TRPM3: variants seen among roughly 807,000 people sequenced by gnomAD.
TRPM3 encodes transient receptor potential cation channel subfamily M member 3, also known as long transient receptor potential channel 3.
A neutral mutation model predicts 181.2 loss-of-function variants in TRPM3; 77 were observed. That is an observed-to-expected ratio of 0.42 (90% CI 0.35 to 0.51). The LOEUF (loss-of-function observed/expected upper bound fraction) is 0.51. Among genes scored for constraint, TRPM3 ranks in the 20% least tolerant of loss-of-function variants. The pLI, the probability that TRPM3 is intolerant of heterozygous loss-of-function variation, is 0.01. For synonymous variants in TRPM3, 745 were observed against 796.4 expected (o/e 0.94, Z 1.09); for missense variants, 1,759 against 2,196.7 (o/e 0.80, Z 3.98).
intron 1 of TRPM3, among the ~76,000 whole-genome samples, chr9:71,294,929 C>A (rs908449016): frequency 6.6e-6 from 1 of 152,004 alleles, no homozygotes; most frequent in Non-Finnish European, 1.5e-5. Flanking sequence ...ACAAAACTTA[C>A]ATTATTTAGG....
intron 22 of TRPM3, among the ~76,000 whole-genome samples, chr9:70,578,892 A>G (rs2054779308): frequency 6.6e-6 from 1 of 152,216 alleles, no homozygotes; most frequent in Admixed American, 6.5e-5. Context: ...GTTAGGCAGC[A>G]TTCCTGGCCT....
At chr9:71,081,182 G>A (rs563170063) in intron 1 of TRPM3, among the ~76,000 whole-genome samples, 2 of 152,164 alleles carry the variant, frequency 1.3e-5, no homozygotes, top group Non-Finnish European at 2.9e-5. Context: ...GTATAAAGAG[G>A]AGCAATGGCT....
chr9:71,156,418 C>T (rs1391994524), intron 1 of TRPM3, among the ~76,000 whole-genome samples: 1 of 140,270 alleles, frequency 7.1e-6, no homozygotes, highest in Non-Finnish European at 1.5e-5. Context: ...CACACACACA[C>T]ACAAGGCTTA....
intron 1 of TRPM3, among the ~76,000 whole-genome samples, chr9:71,219,292 T>C (rs1432349147): frequency 6.6e-6 from 1 of 152,200 alleles, no homozygotes; most frequent in Non-Finnish European, 1.5e-5. Context: ...ATCACAGATT[T>C]GACAAGAAAC....
intron 1 of TRPM3, among the ~76,000 whole-genome samples, chr9:71,085,540 A>G (rs562476848): frequency 2.6e-5 from 4 of 151,592 alleles, no homozygotes; most frequent in African/African-American, 9.7e-5. Flanking sequence ...ACATGAACAG[A>G]TACTTCTCAA....
At chr9:71,369,095 G>C (rs1236528357) in intron 1 of TRPM3, among the ~76,000 whole-genome samples, 1 of 151,816 alleles carries the variant, frequency 6.6e-6, no homozygotes. Flanking sequence ...GCTATTTTAA[G>C]AATTTAGAAA....
At chr9:70,747,069 T>C (rs886482024) in intron 8 of TRPM3, among the ~76,000 whole-genome samples, 2 of 152,220 alleles carry the variant, frequency 1.3e-5, no homozygotes, top group African/African-American at 4.8e-5. Context: ...AATTCATTCA[T>C]TCATTCACTC....
chr9:71,136,441 A>T (rs1327895806), intron 1 of TRPM3, among the ~76,000 whole-genome samples: 41 of 152,200 alleles, frequency 2.7e-4, no homozygotes, highest in Admixed American at 2.7e-3. Flanking sequence ...CATCCGCCTG[A>T]GAAGGCAGTC....
At chr9:71,052,797 T>A (rs1479781565) in intron 1 of TRPM3, among the ~76,000 whole-genome samples, 4 of 151,968 alleles carry the variant, frequency 2.6e-5, no homozygotes, top group Non-Finnish European at 4.4e-5. Context: ...ATCTACTATC[T>A]TCAGTGCACA....
chr9:70,598,468 A>G lies in TRPM3; in HGVS notation c.2999T>C (p.Phe1000Ser), dbSNP rs149121392. 4.7e-5 allele frequency: 76 copies of G among 1,614,078 alleles called. No individual in the cohort carries two copies. The highest frequency in any genetic ancestry group is 6.1e-5 in the Non-Finnish European group (72 of 1,180,046). Residue 1000 changes from phenylalanine (F) to serine (S), a missense_variant, in exon 21 of 26, where the codon TTC becomes TCC. Phe to Ser is a radical substitution (Grantham distance 155). Around this residue, in one of 8 missense-constraint regions of TRPM3, gnomAD observed 94 missense variants for 221.3 expected, o/e 0.42. Transcript: ENST00000677713. ...CGGGCCCAAATACTTGTTCACGCCG[A>G]AGATGTCTAGGAGACGGATATACCA... The part of the protein sequence containing the change: ...IYWYIRLLDI[F>S]GVNKYLGPYV...
intron 1 of TRPM3, among the ~76,000 whole-genome samples, chr9:70,994,565 C>G (rs1228138690): frequency 1.3e-5 from 2 of 151,998 alleles, no homozygotes; most frequent in Non-Finnish European, 2.9e-5. Context: ...CTGGCTCTGC[C>G]TTCTGCTCCA....
chr9:71,110,437 A>G (rs1053131961), intron 1 of TRPM3, among the ~76,000 whole-genome samples: 1 of 152,226 alleles, frequency 6.6e-6, no homozygotes, highest in African/African-American at 2.4e-5. Context: ...GAAAACAGCT[A>G]TGCTCCTTTG....
chr9:71,340,063 A>G (rs1588569001), intron 1 of TRPM3, among the ~76,000 whole-genome samples: 1 of 152,164 alleles, frequency 6.6e-6, no homozygotes, highest in African/African-American at 2.4e-5. Context: ...AGAAATCTAC[A>G]CAACATTGGA....
chr9:70,911,424 T>C (rs1040710720), intron 1 of TRPM3, among the ~76,000 whole-genome samples: 1 of 152,336 alleles, frequency 6.6e-6, no homozygotes, highest in East Asian at 1.9e-4. Flanking sequence ...TACAAAATCA[T>C]GCCTCAAATA....
At chr9:71,328,257 G>A (rs544841420) in intron 1 of TRPM3, among the ~76,000 whole-genome samples, 1 of 152,106 alleles carries the variant, frequency 6.6e-6, no homozygotes, top group Non-Finnish European at 1.5e-5. Context: ...TCCGCCTCCC[G>A]GGTTCACGCC....
At chr9:71,016,846 T>C (rs1319396953) in intron 1 of TRPM3, among the ~76,000 whole-genome samples, 1 of 152,198 alleles carries the variant, frequency 6.6e-6, no homozygotes, top group African/African-American at 2.4e-5. Context: ...TACATCATTT[T>C]ATATTTCCAC....
intron 1 of TRPM3, among the ~76,000 whole-genome samples, chr9:70,875,680 A>G (rs1445436446): frequency 6.6e-6 from 1 of 151,996 alleles, no homozygotes; most frequent in African/African-American, 2.4e-5. Context: ...ACTAAATGAT[A>G]AATCAAATCT....
At chr9:70,631,543 T>C (rs1310758629) in intron 12 of TRPM3, among the ~76,000 whole-genome samples, 1 of 152,158 alleles carries the variant, frequency 6.6e-6, no homozygotes, top group Admixed American at 6.5e-5. Flanking sequence ...AAAAAACTAC[T>C]TTAAAACGTA....
At chr9:70,750,980 GA>G (rs5898164) in intron 8 of TRPM3, among the ~76,000 whole-genome samples, 62,410 of 142,704 alleles carry the variant, frequency 0.44, 13,473 homozygotes, top group African/African-American at 0.56. Flanking sequence ...ATATTACCAA[GA>G]AAAAAAAAAA....
Sources: gnomAD v4.1 joint callset for allele counts (sites outside exome capture counted in the v4.1 genomes callset) on GRCh38, gnomAD v4.1.1 for gene constraint, gnomAD v4.1.1 regional missense constraint, MANE v1.5 for transcripts, NCBI Gene and HGNC (gene_info 2026-07-23, HGNC 2026-07-21) for gene names.